EPHB1: variants seen among roughly 807,000 people sequenced by gnomAD.
The protein encoded by EPHB1 is ephrin type-B receptor 1.
In EPHB1, 30 loss-of-function variants were observed where a neutral mutation model predicts 94.4. The observed-to-expected ratio is 0.32, with a 90% CI of 0.24 to 0.43. The LOEUF (loss-of-function observed/expected upper bound fraction) is 0.43. Among genes scored for constraint, EPHB1 ranks in the 20% least tolerant of loss-of-function variants. The probability of loss-of-function intolerance (pLI) is 1.00; values close to 1 mark genes in which losing one functional copy is unlikely to be tolerated. For missense variants in EPHB1, 1,055 were observed against 1,308.3 expected (o/e 0.81, Z 2.99); for synonymous variants, 522 against 489.1 (o/e 1.07, Z -0.89).
intron 3 of EPHB1, among the ~76,000 whole-genome samples, chr3:135,038,415 C>T (rs1236796180): frequency 5.3e-5 from 8 of 152,194 alleles, no homozygotes; most frequent in Admixed American, 5.2e-4. Context: ...AAGTCCTGCT[C>T]CTCTGCAAGA....
At chr3:135,214,691 G>A (rs758502105) in intron 12 of EPHB1, among the ~76,000 whole-genome samples, 10 of 152,088 alleles carry the variant, frequency 6.6e-5, no homozygotes, top group Admixed American at 6.5e-5. Flanking sequence ...CTCCATCCTC[G>A]CTGTGCTTCC....
At chr3:134,876,498 C>T (rs1560277808) in intron 1 of EPHB1, among the ~76,000 whole-genome samples, 1 of 152,216 alleles carries the variant, frequency 6.6e-6, no homozygotes, top group East Asian at 1.9e-4. Context: ...GGACTCTCCC[C>T]TCCCTTGGCT....
At chr3:135,231,061 C>A (rs9828343) in intron 12 of EPHB1, among the ~76,000 whole-genome samples, 98,283 of 152,000 alleles carry the variant, frequency 0.65, 33,147 homozygotes, top group Middle Eastern at 0.76. Flanking sequence ...CCTGACTACC[C>A]CTGCGGGATT....
intron 3 of EPHB1, among the ~76,000 whole-genome samples, chr3:135,106,235 A>G (rs1000498666): frequency 6.6e-6 from 1 of 152,234 alleles, no homozygotes; most frequent in African/African-American, 2.4e-5. Context: ...CAAGTGAGAG[A>G]GGTCATTGGT....
At chr3:135,198,202 G>C (rs1267693878) in intron 11 of EPHB1, among the ~76,000 whole-genome samples, 1 of 152,188 alleles carries the variant, frequency 6.6e-6, no homozygotes, top group Non-Finnish European at 1.5e-5. Flanking sequence ...ATTACCAGTT[G>C]ATCGGAGATG....
intron 1 of EPHB1, among the ~76,000 whole-genome samples, chr3:134,895,563 A>AT (rs1218447937): frequency 1.3e-5 from 2 of 152,256 alleles, no homozygotes; most frequent in Non-Finnish European, 2.9e-5. Flanking sequence ...AAATTAAAAT[A>AT]TGGTGCTAGG....
chr3:134,800,367 T>G (rs1414924567), intron 1 of EPHB1, among the ~76,000 whole-genome samples: 1 of 152,230 alleles, frequency 6.6e-6, no homozygotes, highest in African/African-American at 2.4e-5. Flanking sequence ...TTAAATGTTC[T>G]TAGTATCACT....
chr3:134,935,694 C>T (rs1466009586), intron 2 of EPHB1, among the ~76,000 whole-genome samples: 1 of 152,094 alleles, frequency 6.6e-6, no homozygotes, highest in Non-Finnish European at 1.5e-5. Context: ...TTCGAAAGAC[C>T]TAACTTGTAT....
chr3:134,964,346 AC>A (rs1933647682), intron 3 of EPHB1, among the ~76,000 whole-genome samples: 1 of 152,232 alleles, frequency 6.6e-6, no homozygotes, highest in African/African-American at 2.4e-5. Flanking sequence ...CACATTGTGC[AC>A]AAACATACAG....
At chr3:135,099,846 G>A (rs1444551654) in intron 3 of EPHB1, among the ~76,000 whole-genome samples, 2 of 152,134 alleles carry the variant, frequency 1.3e-5, no homozygotes, top group African/African-American at 4.8e-5. Flanking sequence ...TGAGAACAAA[G>A]CGTAAGATAA....
intron 3 of EPHB1, among the ~76,000 whole-genome samples, chr3:135,048,511 C>A (rs1937075393): frequency 6.6e-6 from 1 of 152,142 alleles, no homozygotes; most frequent in South Asian, 2.1e-4. Context: ...CTCAAGCAGT[C>A]TGCCTGCCTA....
chr3:135,201,950 A>G (rs552381865), intron 12 of EPHB1, among the ~76,000 whole-genome samples: 1 of 152,208 alleles, frequency 6.6e-6, no homozygotes, highest in African/African-American at 2.4e-5. Context: ...CCTTGGGAAG[A>G]GGAAATTTTG....
chr3:134,795,422 T>C lies in EPHB1; in HGVS notation c.-210T>C, dbSNP rs917721869. 7.1e-6 allele frequency: 4 copies of C among 563,262 alleles called. No individual in the cohort carries two copies. Among genetic ancestry groups the C allele is most frequent in the African/African-American group, 4.1e-5 (2 of 49,368 alleles). The allele number at this position is 563,262 out of a possible 1,614,324, so 34.9% of individuals were successfully genotyped here. A position where few individuals can be genotyped will look rare whatever the true frequency, so the allele number is the denominator to read the frequency against. ...TCTCCCATAAACACACACACACACA[T>C]GCACACCCACACCCACGCGCGCCCG... is the stretch of plus-strand genomic sequence containing the variant. On this transcript the variant is annotated 5_prime_UTR_variant, in exon 1 of 16. The change abolishes an upstream ATG in the 5' untranslated region. Transcript: ENST00000398015.
At chr3:134,885,943 C>A (rs1348310466) in intron 1 of EPHB1, among the ~76,000 whole-genome samples, 1 of 152,174 alleles carries the variant, frequency 6.6e-6, no homozygotes, top group African/African-American at 2.4e-5. Context: ...CAACAAAGAA[C>A]CCAGACTGAG....
chr3:135,160,275 C>T (rs909603916), intron 6 of EPHB1, among the ~76,000 whole-genome samples: 1 of 152,202 alleles, frequency 6.6e-6, no homozygotes, highest in East Asian at 1.9e-4. Flanking sequence ...TCATCTTTGA[C>T]TTCACAAAGT....
chr3:135,200,821 T>C (rs998055696), intron 11 of EPHB1, among the ~76,000 whole-genome samples: 4 of 152,112 alleles, frequency 2.6e-5, no homozygotes, highest in Admixed American at 1.3e-4. Context: ...GGATGTCCTC[T>C]CTAAGAAAGT....
chr3:135,093,772 A>G (rs1938648310), intron 3 of EPHB1, among the ~76,000 whole-genome samples: 1 of 152,184 alleles, frequency 6.6e-6, no homozygotes, highest in African/African-American at 2.4e-5. Flanking sequence ...AGTTCACTGC[A>G]TAAAAATTGG....
chr3:134,898,105 G>A (rs1259918870), intron 1 of EPHB1, among the ~76,000 whole-genome samples: 1 of 152,134 alleles, frequency 6.6e-6, no homozygotes, highest in Non-Finnish European at 1.5e-5. Flanking sequence ...GTGGTGAGAG[G>A]GACCTTACCC....
chr3:135,154,171 C>T lies in EPHB1; in HGVS notation c.1317C>T (p.Ile439=), dbSNP rs774730651. 2.5e-6 allele frequency: 4 copies of T among 1,613,926 alleles called. No individual in the cohort carries two copies. The African/African-American group carries it at 5.3e-5, about 22-fold the overall frequency. ...CCACAGCCCCCTCCACCGTTCCCAT[C>T]ATGCACCAAGTCAGTGCCACTATGA... is the stretch of plus-strand genomic sequence containing the variant. The part of the protein sequence containing the change: ...TNQAAPSTVP[I]MHQVSATMRS... The change falls in exon 6 of 16, where the codon ATC becomes ATT. Residue 439 remains isoleucine, a synonymous_variant. Coordinates refer to ENST00000398015, the MANE Select transcript of EPHB1 (RefSeq NM_004441.5).
Sources: gnomAD v4.1 joint callset for allele counts (sites outside exome capture counted in the v4.1 genomes callset) on GRCh38, gnomAD v4.1.1 for gene constraint, MANE v1.5 for transcripts, NCBI Gene and HGNC (gene_info 2026-07-23, HGNC 2026-07-21) for gene names.